Variants in LHFPL3 observed in about 807,000 individuals in gnomAD.
LHFPL3 encodes the protein LHFPL tetraspan subfamily member 3 protein.
A neutral mutation model predicts 19.3 loss-of-function variants in LHFPL3; 5 were observed. The ratio of observed to expected loss-of-function variants is 0.26; its 90% CI spans 0.14 to 0.54. LHFPL3 has a LOEUF of 0.54. Among genes scored for constraint, LHFPL3 ranks in the 20% least tolerant of loss-of-function variants. The probability of loss-of-function intolerance (pLI) is 0.94; values close to 1 mark genes in which losing one functional copy is unlikely to be tolerated. For missense variants in LHFPL3, 249 were observed against 307.4 expected (o/e 0.81, Z 1.42); for synonymous variants, 133 against 126.2 (o/e 1.05, Z -0.36).
chr7:104,492,170 G>A (rs1049051134), intron 1 of LHFPL3, among the ~76,000 whole-genome samples: 10 of 152,074 alleles, frequency 6.6e-5, no homozygotes, highest in African/African-American at 1.9e-4. Context: ...GGTTACTTGC[G>A]TAACAATGCT....
At chr7:104,773,824 G>A (rs1794599853) in intron 2 of LHFPL3, among the ~76,000 whole-genome samples, 2 of 151,872 alleles carry the variant, frequency 1.3e-5, no homozygotes, top group Admixed American at 6.6e-5. Context: ...GGAGAGGCCT[G>A]GGACAGATGT....
intron 1 of LHFPL3, among the ~76,000 whole-genome samples, chr7:104,468,607 GT>G (rs1290911162): frequency 1.3e-5 from 2 of 151,408 alleles, no homozygotes; most frequent in South Asian, 2.1e-4. Context: ...GCATGGCACA[GT>G]TTCCATGGAG....
At chr7:104,551,484 T>G (rs1794662258) in intron 1 of LHFPL3, among the ~76,000 whole-genome samples, 1 of 152,144 alleles carries the variant, frequency 6.6e-6, no homozygotes, top group Non-Finnish European at 1.5e-5. Context: ...TTTTCTGCCC[T>G]TCCACCCCTC....
intron 2 of LHFPL3, among the ~76,000 whole-genome samples, chr7:104,896,939 T>G (rs1584604358): frequency 6.6e-6 from 1 of 151,960 alleles, no homozygotes; most frequent in African/African-American, 2.4e-5. Context: ...TACAAAAATT[T>G]GCTGGGCATG....
At chr7:104,893,892 C>A (rs1293998083) in intron 2 of LHFPL3, among the ~76,000 whole-genome samples, 4 of 151,164 alleles carry the variant, frequency 2.6e-5, no homozygotes, top group Non-Finnish European at 5.9e-5. Flanking sequence ...GCGGAGGTTG[C>A]AGTGAGCAGA....
At chr7:104,545,611 T>A (rs2115889909) in intron 1 of LHFPL3, among the ~76,000 whole-genome samples, 1 of 152,324 alleles carries the variant, frequency 6.6e-6, no homozygotes, top group South Asian at 2.1e-4. Context: ...TTGGCTCCAG[T>A]AGAGCACTGT....
chr7:104,351,292 ACCTTTCTTCC>A (rs1429192826), intron 1 of LHFPL3, among the ~76,000 whole-genome samples: 3 of 152,036 alleles, frequency 2.0e-5, no homozygotes, highest in Non-Finnish European at 2.9e-5. Context: ...GTCTGATGTC[ACCTTTCTTCC>A]CTGGTTCTAT....
intron 1 of LHFPL3, among the ~76,000 whole-genome samples, chr7:104,510,489 A>G (rs1319549591): frequency 6.6e-6 from 1 of 152,184 alleles, no homozygotes; most frequent in African/African-American, 2.4e-5. Flanking sequence ...GGACATTCCT[A>G]GGCATAAAAA....
chr7:104,604,647 T>C (rs973469695), intron 1 of LHFPL3, among the ~76,000 whole-genome samples: 3 of 152,230 alleles, frequency 2.0e-5, no homozygotes. Context: ...TTCTATGACT[T>C]AAAGTGCTGG....
At position 104,741,497 on chromosome 7, in the gene LHFPL3, AAGAAAAGTG is replaced by A. The variant is rs1163826395; in HGVS notation, c.682+4588_682+4596del. 2.0e-5 allele frequency among the ~76,000 whole-genome samples: 3 copies of A among 150,930 alleles called. No individual in the cohort carries two copies. The East Asian group carries it at 5.8e-4, about 29-fold the overall frequency. On this transcript the variant is annotated intron_variant, in intron 2 of 2. Transcript: ENST00000424859. ...AAAAAAAAAGCCCCACTGAAAAACAAAGAAAAGTGAAACCTCTTTAAATATCTAACTAAC... is the reference window on the plus strand; with the variant it reads ...AAAAAAAAAGCCCCACTGAAAAACAAAAACCTCTTTAAATATCTAACTAAC...
At chr7:104,846,536 T>G (rs1236103314) in intron 2 of LHFPL3, among the ~76,000 whole-genome samples, 1 of 150,720 alleles carries the variant, frequency 6.6e-6, no homozygotes, top group East Asian at 1.9e-4. Context: ...GAGCCTTGAC[T>G]CCAGATCCCT....
intron 1 of LHFPL3, among the ~76,000 whole-genome samples, chr7:104,407,089 T>C (rs1388578155): frequency 6.6e-6 from 1 of 152,114 alleles, no homozygotes; most frequent in African/African-American, 2.4e-5. Context: ...AGGGTTGAAG[T>C]GAAGATTCAG....
At chr7:104,612,953 T>C (rs1217384483) in intron 1 of LHFPL3, among the ~76,000 whole-genome samples, 1 of 152,198 alleles carries the variant, frequency 6.6e-6, no homozygotes, top group Non-Finnish European at 1.5e-5. Context: ...ATGTTTATGA[T>C]TGAGAGGTGG....
chr7:104,671,807 G>A (rs1792488407), intron 1 of LHFPL3, among the ~76,000 whole-genome samples: 1 of 152,028 alleles, frequency 6.6e-6, no homozygotes, highest in African/African-American at 2.4e-5. Flanking sequence ...TTCATTATTT[G>A]ATATATTCCT....
chr7:104,593,252 T>G (rs1790765353), intron 1 of LHFPL3, among the ~76,000 whole-genome samples: 1 of 152,212 alleles, frequency 6.6e-6, no homozygotes, highest in Non-Finnish European at 1.5e-5. Context: ...TTGTTCTCGT[T>G]GGTTTCAAAG....
At chr7:104,595,846 A>G (rs983817833) in intron 1 of LHFPL3, among the ~76,000 whole-genome samples, 4 of 152,262 alleles carry the variant, frequency 2.6e-5, no homozygotes, top group South Asian at 2.1e-4. Flanking sequence ...GCAAGGCTCC[A>G]TGGGCATGGG....
chr7:104,430,618 G>A lies in LHFPL3; in HGVS notation c.445+101394G>A, dbSNP rs113184417. On this transcript the variant is annotated intron_variant, in intron 1 of 2. Coordinates refer to ENST00000424859, the MANE Select transcript of LHFPL3 (RefSeq NM_199000.3). ...TAAGTAGCTGGGACTACAGGCGCCC[G>A]CCACAATGCCTGGCTAATCTTTTGT... Among the ~76,000 whole-genome samples the A allele has an allele frequency of 7.5e-3, 1,118 of 149,088 alleles. 5 individuals are homozygous for A. Among genetic ancestry groups the A allele is most frequent in the Non-Finnish European group, 0.011 (734 of 67,236 alleles).
intron 2 of LHFPL3, among the ~76,000 whole-genome samples, chr7:104,837,621 T>A (rs1333950624): frequency 1.3e-5 from 2 of 152,190 alleles, no homozygotes; most frequent in Non-Finnish European, 2.9e-5. Context: ...AACTTTATTT[T>A]TTTTTATTTT....
At chr7:104,573,695 G>C (rs2115996874) in intron 1 of LHFPL3, among the ~76,000 whole-genome samples, 1 of 152,336 alleles carries the variant, frequency 6.6e-6, no homozygotes, top group African/African-American at 2.4e-5. Flanking sequence ...GCCTGTTACT[G>C]TTTTGGTCTT....
Sources: gnomAD v4.1 joint callset for allele counts (sites outside exome capture counted in the v4.1 genomes callset) on GRCh38, gnomAD v4.1.1 for gene constraint, MANE v1.5 for transcripts, NCBI Gene and HGNC (gene_info 2026-07-23, HGNC 2026-07-21) for gene names.